GLRB: variants seen among roughly 807,000 people sequenced by gnomAD.
GLRB encodes the protein glycine receptor subunit beta.
GLRB carries 33 observed loss-of-function variants against 54.2 expected under a neutral mutation model. That is an observed-to-expected ratio of 0.61 (90% CI 0.46 to 0.81). GLRB has a LOEUF of 0.81. Among genes scored for constraint, GLRB ranks in the 40% least tolerant of loss-of-function variants. The probability of loss-of-function intolerance (pLI) is 0.00; values close to 1 mark genes in which losing one functional copy is unlikely to be tolerated. For synonymous variants in GLRB, 209 were observed against 208.2 expected (o/e 1.00, Z -0.03); for missense variants, 572 against 584.6 (o/e 0.98, Z 0.22).
At chr4:157,162,473 A>T (rs1737538217) in intron 9 of GLRB, among the ~76,000 whole-genome samples, 1 of 152,050 alleles carries the variant, frequency 6.6e-6, no homozygotes, top group African/African-American at 2.4e-5. Context: ...TTGTGGTTTT[A>T]TCTACCTTTG....
At chr4:157,153,160 T>C (rs1327237379) in intron 9 of GLRB, 150 bp downstream of exon 9, 6 of 764,068 alleles carry the variant, frequency 7.9e-6, no homozygotes, top group Non-Finnish European at 1.3e-5. Flanking sequence ...CACAACACAA[T>C]TTTTGGGAAA....
intron 2 of GLRB, among the ~76,000 whole-genome samples, chr4:157,079,074 A>G (rs534620470): frequency 4.6e-5 from 7 of 152,130 alleles, no homozygotes; most frequent in Non-Finnish European, 1.0e-4. Context: ...GCACCTGGCC[A>G]AGTCTTTTTT....
chr4:157,096,923 C>G (rs923298014), intron 2 of GLRB, among the ~76,000 whole-genome samples: 2 of 152,164 alleles, frequency 1.3e-5, no homozygotes, highest in Admixed American at 1.3e-4. Flanking sequence ...AGGTAATTTA[C>G]TCAAGGAGCT....
intron 2 of GLRB, among the ~76,000 whole-genome samples, chr4:157,113,355 G>A (rs1348702736): frequency 6.6e-6 from 1 of 151,796 alleles, no homozygotes; most frequent in East Asian, 2.0e-4. Flanking sequence ...TTGGATTGAG[G>A]TTTAACTCTT....
chr4:157,077,114 G>T, intron 1 of GLRB, among the ~76,000 whole-genome samples: 1 of 152,002 alleles, frequency 6.6e-6, no homozygotes, highest in East Asian at 1.9e-4. Context: ...TTTATGGTTT[G>T]GAAATGAAGG....
chr4:157,141,082 T>C (rs1236898822), intron 7 of GLRB, among the ~76,000 whole-genome samples: 1 of 151,920 alleles, frequency 6.6e-6, no homozygotes, highest in Non-Finnish European at 1.5e-5. Flanking sequence ...TTCATTTTAG[T>C]TCTTAGAATA....
At chr4:157,089,887 G>A (rs1393910932) in intron 2 of GLRB, among the ~76,000 whole-genome samples, 1 of 152,110 alleles carries the variant, frequency 6.6e-6, no homozygotes, top group East Asian at 1.9e-4. Context: ...AGCCTTTCAT[G>A]AGAAATGACA....
At position 157,088,850 on chromosome 4, in the gene GLRB, A is replaced by T. The variant is rs550015083; in HGVS notation, c.122+10704A>T. Among the ~76,000 whole-genome samples the T allele has an allele frequency of 1.6e-4, 25 of 152,166 alleles. No individual in the cohort carries two copies. The East Asian group carries it at 4.9e-3, about 30-fold the overall frequency. Reference sequence around the variant, plus strand: ...TATTAAAGGGTCACCCACCTGGAAAAATGTATATAGTTTTTATATTCCTAT... The same window carrying T: ...TATTAAAGGGTCACCCACCTGGAAATATGTATATAGTTTTTATATTCCTAT... On this transcript the variant is annotated intron_variant, in intron 2 of 9. Transcript: ENST00000264428.
intron 9 of GLRB, among the ~76,000 whole-genome samples, chr4:157,154,911 A>G (rs7697727): frequency 0.02 from 3,047 of 152,236 alleles, 64 homozygotes; most frequent in African/African-American, 0.045. Flanking sequence ...TGATGTTTAA[A>G]AATGTTACCT....
At chr4:157,078,227 C>A (rs1055914959) in intron 2 of GLRB, 81 bp downstream of exon 2, 2 of 1,589,506 alleles carry the variant, frequency 1.3e-6, no homozygotes, top group African/African-American at 2.7e-5. Flanking sequence ...TATGAAGACA[C>A]ACATCAACAA....
chr4:157,166,355 C>T (rs1737707554), intron 9 of GLRB, among the ~76,000 whole-genome samples: 1 of 151,992 alleles, frequency 6.6e-6, no homozygotes, highest in South Asian at 2.1e-4. Flanking sequence ...TATTTCATCT[C>T]TTTTCATGTG....
Position 157,136,492 on chromosome 4 carries a change from G to A in GLRB, c.321G>A (p.Leu107=). ...AGGACTATAGAGTTAACATCTTCCT[G>A]AGACAAAAATGGAATGACCCCAGGC... The part of the protein sequence containing the change: ...TTMDYRVNIF[L]RQKWNDPRLK... Residue 107 remains leucine (L), a synonymous_variant, in exon 5 of 10, where the codon CTG becomes CTA. Coordinates refer to ENST00000264428, the MANE Select transcript of GLRB (RefSeq NM_000824.5). The A allele has an allele frequency of 6.2e-7, 1 of 1,608,340 alleles. No homozygotes were observed. Among genetic ancestry groups the A allele is most frequent in the Non-Finnish European group, 8.5e-7 (1 of 1,174,894 alleles).
intron 2 of GLRB, among the ~76,000 whole-genome samples, chr4:157,082,742 G>A (rs1480190988): frequency 6.6e-6 from 1 of 152,012 alleles, no homozygotes; most frequent in Non-Finnish European, 1.5e-5. Flanking sequence ...AATCCACACT[G>A]AGGCTCTGTG....
In GLRB at chr4:157,152,795, G is replaced by A; in HGVS notation, c.982G>A (p.Ala328Thr). The A allele has an allele frequency of 6.2e-7, 1 of 1,613,742 alleles. No homozygotes were observed. Among genetic ancestry groups the A allele is most frequent in the Non-Finnish European group, 8.5e-7 (1 of 1,179,726 alleles). Residue 328 changes from alanine (A) to threonine (T), a missense_variant, in exon 9 of 10, where the codon GCT becomes ACT. Ala to Thr is a moderately conservative substitution (Grantham distance 58). Coordinates refer to ENST00000264428, the MANE Select transcript of GLRB (RefSeq NM_000824.5). ...GCTTCCCAAAGTTTCCTATGTGAAGGCTCTTGATGTTTGGCTTATTGCTTG... is the reference window on the plus strand; with the variant it reads ...GCTTCCCAAAGTTTCCTATGTGAAGACTCTTGATGTTTGGCTTATTGCTTG... ...AELPKVSYVK[A>T]LDVWLIACLL...
intron 2 of GLRB, among the ~76,000 whole-genome samples, chr4:157,095,415 T>C (rs1178504616): frequency 5.9e-5 from 9 of 152,092 alleles, no homozygotes; most frequent in African/African-American, 1.9e-4. Flanking sequence ...TGTGTTAAGT[T>C]TGAGGTATCC....
At chr4:157,112,257 G>A (rs11939934) in intron 2 of GLRB, among the ~76,000 whole-genome samples, 63,876 of 151,704 alleles carry the variant, frequency 0.42, 15,836 homozygotes, top group African/African-American at 0.7. Flanking sequence ...AATCCAATCT[G>A]TTTCCAACCT....
At chr4:157,145,066 T>G (rs1453177981) in intron 8 of GLRB, among the ~76,000 whole-genome samples, 1 of 152,204 alleles carries the variant, frequency 6.6e-6, no homozygotes, top group Non-Finnish European at 1.5e-5. Context: ...TATATATTTC[T>G]CTCAAATAAT....
At chr4:157,117,345 C>T (rs1479961428) in intron 2 of GLRB, among the ~76,000 whole-genome samples, 3 of 151,674 alleles carry the variant, frequency 2.0e-5, no homozygotes, top group Non-Finnish European at 4.4e-5. Flanking sequence ...ATGTACTCTA[C>T]AGGTTCATTT....
At chr4:157,153,155 C>A in intron 9 of GLRB, 145 bp downstream of exon 9, 1 of 783,048 alleles carries the variant, frequency 1.3e-6, no homozygotes, top group Non-Finnish European at 2.2e-6. Context: ...CTGAGCACAA[C>A]ACAATTTTTG....
Sources: gnomAD v4.1 joint callset for allele counts (sites outside exome capture counted in the v4.1 genomes callset) on GRCh38, gnomAD v4.1.1 for gene constraint, MANE v1.5 for transcripts, NCBI Gene and HGNC (gene_info 2026-07-23, HGNC 2026-07-21) for gene names.